Variants in CYSRT1 observed in about 807,000 individuals in gnomAD.
CYSRT1 encodes the protein cysteine rich tail 1, also known as cysteine-rich tail protein 1.
CYSRT1 carries 7 observed loss-of-function variants against 6.2 expected under a neutral mutation model. The observed-to-expected ratio is 1.13, with a 90% CI of 0.64 to 2.13. The LOEUF is 2.13. CYSRT1 is among the 30% of genes most tolerant of loss of function. The probability of loss-of-function intolerance (pLI) is 0.00; values close to 1 mark genes in which losing one functional copy is unlikely to be tolerated. For synonymous variants in CYSRT1, 75 were observed against 83.1 expected, an observed-to-expected ratio of 0.90 and a Z score of 0.53; for missense variants, 188 against 196.4, an observed-to-expected ratio of 0.96 and a Z score of 0.26.
rs1440571259 is a variant in CYSRT1, at chr9:137,225,889, C to T, written c.268C>T (p.Pro90Ser). 1 of 1,545,680 alleles carries T rather than the reference C, an allele frequency of 6.5e-7. No individual in the cohort carries two copies. Among genetic ancestry groups the T allele is most frequent in the South Asian group, 1.2e-5 (1 of 84,034 alleles). Reference protein sequence around the residue: ...NQQAWQQPGNPYSSSQRQAGL... With the variant: ...NQQAWQQPGNSYSSSQRQAGL... ...GCAGGCCTGGCAGCAGCCTGGCAAC[C>T]CCTACAGCAGCAGTCAGCGCCAGGC... Residue 90 changes from proline to serine, a missense_variant, in exon 2 of 2, where the codon CCC (proline) becomes TCC (serine). Transcript: ENST00000650725.
In CYSRT1 at chr9:137,226,108, C is replaced by A; in HGVS notation, c.*52C>A. On this transcript the variant is annotated 3_prime_UTR_variant, in exon 2 of 2. Transcript: ENST00000650725. ...CCCAGACTTCAGCAAATGTGGCTCACACAGTGCCGGGACATGCCGGGACAT... is the reference window on the plus strand; with the variant it reads ...CCCAGACTTCAGCAAATGTGGCTCAAACAGTGCCGGGACATGCCGGGACAT... The A allele has an allele frequency of 1.3e-6, 2 of 1,528,708 alleles. No individual in the cohort carries two copies. The highest frequency in any genetic ancestry group is 1.2e-5 in the South Asian group (1 of 82,452). 94.7% of individuals were successfully genotyped at this position (1,528,708 alleles called of 1,614,324 possible). A position where few individuals can be genotyped will look rare whatever the true frequency, so the allele number is the denominator to read the frequency against.
At position 137,225,241 on chromosome 9, in the gene CYSRT1, C is replaced by T; in HGVS notation, c.-9+8C>T. On this transcript the variant is annotated splice_region_variant and intron_variant, in intron 1 of 1. Transcript: ENST00000650725. ...GCCGTGTTGCCACCACAGGTAAGCC[C>T]TTGGCCGCCGGGACTGCCCTGAACT... The T allele has an allele frequency of 6.5e-7, 1 of 1,546,976 alleles. No homozygotes were observed.
rs1318571410 is a variant in CYSRT1 at position 137,226,082 on chromosome 9, A to G, written c.*26A>G. 1 of 1,537,124 alleles carries G rather than the reference A, an allele frequency of 6.5e-7. No homozygotes were observed. Among genetic ancestry groups the G allele is most frequent in the Admixed American group, 2.0e-5 (1 of 50,560 alleles). ...CCCAGCCCACCCTGCCAGGGCCAGG[A>G]CCCAGACTTCAGCAAATGTGGCTCA... On this transcript the variant is annotated 3_prime_UTR_variant, in exon 2 of 2. Transcript: ENST00000650725.
rs768018887 is a variant in CYSRT1 at position 137,225,600 on chromosome 9, GC to G, written c.-8-11del. 6.5e-7 allele frequency: 1 copy of G among 1,544,496 alleles called. No homozygotes were observed. Among genetic ancestry groups the G allele is most frequent in the South Asian group, 1.2e-5 (1 of 83,528 alleles). ...CACTGAGTTCATGTCTGTCTTCTCT[GC>G]CCACCCCTGCAGGCTGGACCATGGA... On this transcript the variant is annotated splice_polypyrimidine_tract_variant and intron_variant, in intron 1 of 1. Coordinates refer to ENST00000650725, the MANE Select transcript of CYSRT1 (RefSeq NM_199001.5).
intron 1 of CYSRT1, 121 bp downstream of exon 1, chr9:137,225,354 C>G (rs1835947144): frequency 1.8e-6 from 2 of 1,138,340 alleles, no homozygotes; most frequent in Non-Finnish European, 2.5e-6. Flanking sequence ...CCAATGCCAC[C>G]AGGGGAGGGG....
In CYSRT1 at chr9:137,225,977, G is replaced by GCTGCTGCCC. The variant is rs773394305; in HGVS notation, c.365_373dup (p.Pro122_Cys124dup). On this transcript the variant is annotated inframe_insertion, in exon 2 of 2. Transcript: ENST00000650725. ...GGGGATGACATCGCCCACCACTGCT[G>GCTGCTGCCC]CTGCTGCCCCTGCTGCCACTGCTGC... is the stretch of plus-strand genomic sequence containing the variant. 1.9e-6 allele frequency: 3 copies of GCTGCTGCCC among 1,547,070 alleles called. No homozygotes were observed. The highest frequency in any genetic ancestry group is 2.0e-5 in the Admixed American group (1 of 50,932).
rs764579844 is a variant in CYSRT1, at chr9:137,225,801, G to A, written c.180G>A (p.Pro60=). The A allele has an allele frequency of 5.4e-5, 83 of 1,549,464 alleles. No individual in the cohort carries two copies. The Middle Eastern group carries it at 1.0e-3, about 19-fold the overall frequency. ...CAGAGCCAACCCACCTCTTGCAGCCGACCGAGGTCCCAGGGCCCAAGGGCG... is the reference window on the plus strand; with the variant it reads ...CAGAGCCAACCCACCTCTTGCAGCCAACCGAGGTCCCAGGGCCCAAGGGCG... ...CAPEPTHLLQ[P]TEVPGPKGAK... Residue 60 remains proline (P), a synonymous_variant, in exon 2 of 2, where the codon CCG becomes CCA. Transcript: ENST00000650725.
At position 137,225,652 on chromosome 9, in the gene CYSRT1, C is replaced by G; in HGVS notation, c.31C>G (p.Pro11Ala). 6.4e-7 allele frequency: 1 copy of G among 1,550,462 alleles called. No individual in the cohort carries two copies. Among genetic ancestry groups the G allele is most frequent in the Non-Finnish European group, 8.7e-7 (1 of 1,146,972 alleles). The change falls in exon 2 of 2, where the codon CCA becomes GCA. Residue 11 changes from proline (P) to alanine (A), a missense_variant. Coordinates refer to ENST00000650725, the MANE Select transcript of CYSRT1 (RefSeq NM_199001.5). MDPQEMVVKNPYAHISIPRAH... is the reference protein window; with the variant it reads MDPQEMVVKNAYAHISIPRAH... ...CCCCCAAGAGATGGTCGTCAAGAACCCATATGCCCACATCAGCATCCCCCG... is the reference window on the plus strand; with the variant it reads ...CCCCCAAGAGATGGTCGTCAAGAACGCATATGCCCACATCAGCATCCCCCG...
chr9:137,225,857 A>T lies in CYSRT1; in HGVS notation c.236A>T (p.Gln79Leu). 3.9e-6 allele frequency: 6 copies of T among 1,546,654 alleles called. No individual in the cohort carries two copies. Among genetic ancestry groups the T allele is most frequent in the Non-Finnish European group, 5.2e-6 (6 of 1,146,850 alleles). The stretch of plus-strand genomic sequence containing the variant: ...GGTAACCAGGGGGCTGCCCCCATCC[A>T]GAACCAGCAGGCCTGGCAGCAGCCT... The part of the protein sequence containing the change: ...AKGNQGAAPI[Q>L]NQQAWQQPGN... The change falls in exon 2 of 2, where the codon CAG becomes CTG. Residue 79 changes from glutamine to leucine, a missense_variant. Transcript: ENST00000650725.
chr9:137,225,376 G>A, intron 1 of CYSRT1, 143 bp downstream of exon 1: 2 of 1,140,410 alleles, frequency 1.8e-6, no homozygotes, highest in Non-Finnish European at 2.5e-6. Flanking sequence ...AGGATCCCTG[G>A]CAGGGGTGGC....
In CYSRT1 at chr9:137,225,608, C is replaced by T. The variant is rs1480354312; in HGVS notation, c.-8-6C>T. 1 of 1,549,000 alleles carries T rather than the reference C, an allele frequency of 6.5e-7. No homozygotes were observed. Among genetic ancestry groups the T allele is most frequent in the Non-Finnish European group, 8.7e-7 (1 of 1,146,228 alleles). On this transcript the variant is annotated splice_region_variant and splice_polypyrimidine_tract_variant and intron_variant, in intron 1 of 1. Transcript: ENST00000650725. ...TCATGTCTGTCTTCTCTGCCCACCC[C>T]TGCAGGCTGGACCATGGACCCCCAA...
chr9:137,226,249 T>C lies in CYSRT1; in HGVS notation c.*193T>C. 1 of 1,056,490 alleles carries C rather than the reference T, an allele frequency of 9.5e-7. No homozygotes were observed. The highest frequency in any genetic ancestry group is 1.3e-6 in the Non-Finnish European group (1 of 745,852). 65.4% of individuals were successfully genotyped at this position (1,056,490 alleles called of 1,614,324 possible). On this transcript the variant is annotated 3_prime_UTR_variant, in exon 2 of 2. Coordinates refer to ENST00000650725, the MANE Select transcript of CYSRT1 (RefSeq NM_199001.5). ...CTGAAACGGAATCCCAGGTCCTGGCTGGAGAGGGACACCCCTGATTACCTT... is the reference window on the plus strand; with the variant it reads ...CTGAAACGGAATCCCAGGTCCTGGCCGGAGAGGGACACCCCTGATTACCTT...
chr9:137,225,342 G>T, intron 1 of CYSRT1, 109 bp downstream of exon 1: 2 of 1,162,594 alleles, frequency 1.7e-6, no homozygotes, highest in East Asian at 2.6e-5. Context: ...TCCATCCCAG[G>T]ACCAATGCCA....
intron 1 of CYSRT1, 43 bp from the exon 2 acceptor site, chr9:137,225,571 A>C: frequency 6.6e-7 from 1 of 1,507,182 alleles, no homozygotes; most frequent in Non-Finnish European, 8.9e-7. Flanking sequence ...CAGCCATCCC[A>C]CTCCACTGAG....
rs1284841312 is a variant in CYSRT1 at position 137,225,953 on chromosome 9, G to A, written c.332G>A (p.Gly111Glu). The change falls in exon 2 of 2, where the codon GGG (glycine) becomes GAG (glutamate). Residue 111 changes from glycine (G) to glutamate (E), a missense_variant. By Grantham distance (98) the Gly-to-Glu change is moderately conservative (BLOSUM62 -2). Transcript: ENST00000650725. Reference sequence around the variant, plus strand: ...GCTGGCCCTCCGCCCGCGGGGCGCGGGGATGACATCGCCCACCACTGCTGC... The same window carrying A: ...GCTGGCCCTCCGCCCGCGGGGCGCGAGGATGACATCGCCCACCACTGCTGC... The part of the protein sequence containing the change: ...TYAGPPPAGR[G>E]DDIAHHCCCC... 4 of 1,548,378 alleles carry A rather than the reference G, an allele frequency of 2.6e-6. No individual in the cohort carries two copies. Among genetic ancestry groups the A allele is most frequent in the Non-Finnish European group, 3.5e-6 (4 of 1,146,588 alleles).
chr9:137,225,832 G>A lies in CYSRT1; in HGVS notation c.211G>A (p.Gly71Ser). ...GGTCCCAGGGCCCAAGGGCGCCAAG[G>A]GTAACCAGGGGGCTGCCCCCATCCA... Reference protein sequence around the residue: ...TEVPGPKGAKGNQGAAPIQNQ... With the variant: ...TEVPGPKGAKSNQGAAPIQNQ... The change falls in exon 2 of 2, where the codon GGT becomes AGT. Residue 71 changes from glycine (G) to serine (S), a missense_variant. Physicochemically the swap from Gly to Ser is moderately conservative, Grantham distance 56. Coordinates refer to ENST00000650725, the MANE Select transcript of CYSRT1 (RefSeq NM_199001.5). The A allele has an allele frequency of 1.3e-6, 2 of 1,547,994 alleles. No individual in the cohort carries two copies.
At position 137,225,202 on chromosome 9, in the gene CYSRT1, C is replaced by A. The variant is rs1335683145; in HGVS notation, c.-40C>A. ...CACTGGGACCTAGAGCTCAGAAGACCGAGAGGACAGACTGCCGTGTTGCCA... is the reference window on the plus strand; with the variant it reads ...CACTGGGACCTAGAGCTCAGAAGACAGAGAGGACAGACTGCCGTGTTGCCA... On this transcript the variant is annotated 5_prime_UTR_variant, in exon 1 of 2. Transcript: ENST00000650725. The A allele has an allele frequency of 4.5e-6, 7 of 1,550,392 alleles. No individual in the cohort carries two copies. Among genetic ancestry groups the A allele is most frequent in the Non-Finnish European group, 6.1e-6 (7 of 1,146,910 alleles).
Position 137,226,157 on chromosome 9 carries a change from G to A in CYSRT1, c.*101G>A, listed in dbSNP as rs1159269874. On this transcript the variant is annotated 3_prime_UTR_variant, in exon 2 of 2. Coordinates refer to ENST00000650725, the MANE Select transcript of CYSRT1 (RefSeq NM_199001.5). ...ATGCGGGGTGGCTGTTGTCATGGGC[G>A]TCTGCCCCTTCACACCAGGCACTGG... 15 of 1,480,524 alleles carry A rather than the reference G, an allele frequency of 1.0e-5. No homozygotes were observed. Among genetic ancestry groups the A allele is most frequent in the South Asian group, 9.4e-5 (7 of 74,176 alleles). The allele number at this position is 1,480,524 out of a possible 1,614,324, so 91.7% of individuals were successfully genotyped here.
Position 137,225,202 on chromosome 9 carries a change from C to G in CYSRT1, c.-40C>G, listed in dbSNP as rs1335683145. 3.9e-6 allele frequency: 6 copies of G among 1,550,274 alleles called. No homozygotes were observed. In the Admixed American group the frequency reaches 9.8e-5, roughly 25 times the overall value. On this transcript the variant is annotated 5_prime_UTR_variant, in exon 1 of 2. Coordinates refer to ENST00000650725, the MANE Select transcript of CYSRT1 (RefSeq NM_199001.5). ...CACTGGGACCTAGAGCTCAGAAGAC[C>G]GAGAGGACAGACTGCCGTGTTGCCA...
Sources: gnomAD v4.1 joint callset for allele counts on GRCh38, gnomAD v4.1.1 for gene constraint, MANE v1.5 for transcripts, NCBI Gene and HGNC (gene_info 2026-07-23, HGNC 2026-07-21) for gene names.